Variants in PKN2 observed in about 807,000 individuals in gnomAD.
PKN2 encodes the protein protein kinase N2, also known as serine/threonine-protein kinase N2.
In PKN2, 38 loss-of-function variants were observed where a neutral mutation model predicts 119.1. The ratio of observed to expected loss-of-function variants is 0.32; its 90% CI spans 0.25 to 0.42. PKN2 has a LOEUF of 0.42. Among genes scored for constraint, PKN2 ranks in the 10% least tolerant of loss-of-function variants. PKN2 has a pLI of 1.00. For synonymous variants in PKN2, 390 were observed against 384.9 expected, an observed-to-expected ratio of 1.01 and a Z score of -0.15; for missense variants, 850 against 1,165.1, an observed-to-expected ratio of 0.73 and a Z score of 3.94.
At chr1:88,818,204 A>G (rs1373152714) in intron 16 of PKN2, among the ~76,000 whole-genome samples, 1 of 152,236 alleles carries the variant, frequency 6.6e-6, no homozygotes, top group Non-Finnish European at 1.5e-5. Flanking sequence ...GCCCAAGGAA[A>G]TAAGAGAGGA....
chr1:88,693,462 G>C (rs961616860), intron 1 of PKN2, among the ~76,000 whole-genome samples: 6 of 152,126 alleles, frequency 3.9e-5, no homozygotes, highest in African/African-American at 1.4e-4. Flanking sequence ...TGTCATTGAC[G>C]GGTTCTTGGA....
chr1:88,738,467 G>C (rs1668443192), intron 1 of PKN2, among the ~76,000 whole-genome samples: 1 of 152,220 alleles, frequency 6.6e-6, no homozygotes, highest in African/African-American at 2.4e-5. Flanking sequence ...GCATACCAAA[G>C]GTGAAGCATG....
chr1:88,810,588 A>G (rs1442421361), intron 15 of PKN2, among the ~76,000 whole-genome samples: 1 of 152,084 alleles, frequency 6.6e-6, no homozygotes, highest in Non-Finnish European at 1.5e-5. Context: ...TTATTTTTTA[A>G]TAGCTGTTCC....
chr1:88,773,632 A>C (rs1669978261), intron 6 of PKN2, among the ~76,000 whole-genome samples: 1 of 152,222 alleles, frequency 6.6e-6, no homozygotes, highest in East Asian at 1.9e-4. Flanking sequence ...TAAGACAGTT[A>C]TCCAGATGAG....
rs1174124177 is a variant in PKN2, at chr1:88,835,364, T to C, written c.*1916T>C. The C allele has an allele frequency of 6.6e-6, 1 of 152,488 alleles. No individual in the cohort carries two copies. Among genetic ancestry groups the C allele is most frequent in the Non-Finnish European group, 1.5e-5 (1 of 67,926 alleles). The allele number at this position is 152,488 out of a possible 1,614,324, so 9.4% of individuals were successfully genotyped here. ...TAAATACTTTTGAGGTACAGTCTGCTCACTTTTTTGGTTCTCAAATAGCAA... is the reference window on the plus strand; with the variant it reads ...TAAATACTTTTGAGGTACAGTCTGCCCACTTTTTTGGTTCTCAAATAGCAA... On this transcript the variant is annotated 3_prime_UTR_variant, in exon 22 of 22. Coordinates refer to ENST00000370521, the MANE Select transcript of PKN2 (RefSeq NM_006256.4).
chr1:88,747,272 C>T (rs1362517561), intron 2 of PKN2, among the ~76,000 whole-genome samples: 1 of 152,088 alleles, frequency 6.6e-6, no homozygotes, highest in Non-Finnish European at 1.5e-5. Context: ...TTAAATCCCA[C>T]TGCGAAGAAA....
In PKN2 at chr1:88,832,866, A is replaced by T; in HGVS notation, c.2670+15A>T. 7.0e-7 allele frequency: 1 copy of T among 1,426,590 alleles called. No homozygotes were observed. The allele number at this position is 1,426,590 out of a possible 1,614,324, so 88.4% of individuals were successfully genotyped here. On this transcript the variant is annotated intron_variant, in intron 20 of 21. Transcript: ENST00000370521. ...TAATGAGAAGGGTAAGAATTAAAAT[A>T]AGGATAAGAATTTTTTAAAGACTAC...
intron 1 of PKN2, among the ~76,000 whole-genome samples, chr1:88,696,353 T>G (rs377218823): frequency 8.5e-5 from 13 of 152,196 alleles, no homozygotes; most frequent in African/African-American, 2.9e-4. Flanking sequence ...AAGGGTAAGA[T>G]GTATAGCCAG....
intron 1 of PKN2, among the ~76,000 whole-genome samples, chr1:88,694,729 T>C (rs778745029): frequency 6.6e-6 from 1 of 152,178 alleles, no homozygotes; most frequent in African/African-American, 2.4e-5. Context: ...CTACCAACAA[T>C]AAGAGTTTTT....
chr1:88,705,705 A>G (rs548603239), intron 1 of PKN2, among the ~76,000 whole-genome samples: 19 of 150,950 alleles, frequency 1.3e-4, no homozygotes, highest in African/African-American at 4.6e-4. Context: ...CTGCAAAAAT[A>G]TATATATATA....
At chr1:88,824,218 C>A in intron 17 of PKN2, 92 bp from the exon 18 acceptor site, 1 of 640,016 alleles carries the variant, frequency 1.6e-6, no homozygotes. Flanking sequence ...AAAGAGAAAA[C>A]ACAGTTCCAA....
At chr1:88,684,943 C>T (rs1274680078) in intron 1 of PKN2, 3 of 315,976 alleles carry the variant, frequency 9.5e-6, no homozygotes, top group African/African-American at 6.5e-5. Context: ...GGCCCGTCGC[C>T]CCCTCCCTCG....
chr1:88,718,837 A>G (rs1445909369), intron 1 of PKN2, among the ~76,000 whole-genome samples: 1 of 152,116 alleles, frequency 6.6e-6, no homozygotes, highest in African/African-American at 2.4e-5. Context: ...CCTGTTTATT[A>G]TAAGATATTA....
At position 88,789,656 on chromosome 1, in the gene PKN2, C is replaced by CT. The variant is rs910352444; in HGVS notation, c.1281+3444dup. Reference sequence around the variant, plus strand: ...CCAGCCTGGGCGACAGAGCAAGACTCTATCTCATAATAATAATAATAATAA... The same window carrying CT: ...CCAGCCTGGGCGACAGAGCAAGACTCTTATCTCATAATAATAATAATAATAA... On this transcript the variant is annotated intron_variant, in intron 8 of 21. Coordinates refer to ENST00000370521, the MANE Select transcript of PKN2 (RefSeq NM_006256.4). Among the ~76,000 whole-genome samples, 16 of 125,882 alleles carry CT rather than the reference C, an allele frequency of 1.3e-4. No individual in the cohort carries two copies. The South Asian group carries it at 4.1e-3, about 32-fold the overall frequency. 82.6% of individuals were successfully genotyped at this position (125,882 alleles called of 152,430 possible). A position where few individuals can be genotyped will look rare whatever the true frequency, so the allele number is the denominator to read the frequency against.
intron 6 of PKN2, among the ~76,000 whole-genome samples, chr1:88,776,730 ACT>A (rs1670123793): frequency 6.8e-6 from 1 of 147,892 alleles, no homozygotes; most frequent in South Asian, 2.1e-4. Context: ...ACAGAGTAAG[ACT>A]CTGTCTTAAG....
At chr1:88,729,970 C>T (rs941699782) in intron 1 of PKN2, among the ~76,000 whole-genome samples, 1 of 152,108 alleles carries the variant, frequency 6.6e-6, no homozygotes, top group Non-Finnish European at 1.5e-5. Flanking sequence ...GCGAGACCAT[C>T]CGGTTTACAC....
rs575333966 is a variant in PKN2, at chr1:88,729,425, T to C, written c.49-11563T>C. On this transcript the variant is annotated intron_variant, in intron 1 of 21. Transcript: ENST00000370521. ...TCCTGGTCTCAACTGGGCTCACTTA[T>C]GCAGCTGTATTCAGCTGGTGGCTAA... 1.6e-4 allele frequency among the ~76,000 whole-genome samples: 25 copies of C among 152,336 alleles called. No individual in the cohort carries two copies. The South Asian group carries it at 2.5e-3, about 15-fold the overall frequency.
intron 8 of PKN2, among the ~76,000 whole-genome samples, chr1:88,799,232 C>G (rs1204034505): frequency 6.6e-6 from 1 of 152,168 alleles, no homozygotes; most frequent in Non-Finnish European, 1.5e-5. Flanking sequence ...ACATCTATAG[C>G]AGGCCGACTT....
intron 18 of PKN2, among the ~76,000 whole-genome samples, chr1:88,826,985 T>A (rs1275393317): frequency 6.6e-6 from 1 of 152,138 alleles, no homozygotes; most frequent in East Asian, 1.9e-4. Context: ...AAAAAATTTC[T>A]CCACTCCAGT....
Sources: allele counts gnomAD v4.1 joint callset (sites outside exome capture counted in the v4.1 genomes callset), GRCh38; gene constraint gnomAD v4.1.1; transcripts MANE v1.5; gene names NCBI Gene and HGNC (gene_info 2026-07-23, HGNC 2026-07-21).